Variants in CNTN4 observed in about 807,000 individuals in gnomAD.
CNTN4 encodes the protein contactin-4.
In CNTN4, 77 loss-of-function variants were observed where a neutral mutation model predicts 122.5. The ratio of observed to expected loss-of-function variants is 0.63; its 90% CI spans 0.52 to 0.76. The LOEUF (loss-of-function observed/expected upper bound fraction) is 0.76, where lower values mean the gene tolerates loss of function less well. CNTN4 is among the 30% of genes least tolerant of loss of function. The pLI, the probability that CNTN4 is intolerant of heterozygous loss-of-function variation, is 0.00. For missense variants in CNTN4, 1,256 were observed against 1,259.1 expected (o/e 1.00, Z 0.04); for synonymous variants, 512 against 447.0 (o/e 1.15, Z -1.83).
intron 4 of CNTN4, among the ~76,000 whole-genome samples, chr3:2,683,561 A>T (rs2085277296): frequency 6.6e-6 from 1 of 152,136 alleles, no homozygotes. Context: ...ACACACTTCG[A>T]ATGTTTTTCC....
intron 6 of CNTN4, among the ~76,000 whole-genome samples, chr3:2,775,477 T>A (rs1480461946): frequency 1.3e-5 from 2 of 152,192 alleles, no homozygotes; most frequent in Admixed American, 1.3e-4. Context: ...TGGAGTGCAG[T>A]GGCACGATCT....
At chr3:2,980,932 C>T (rs1693901993) in intron 13 of CNTN4, among the ~76,000 whole-genome samples, 1 of 152,142 alleles carries the variant, frequency 6.6e-6, no homozygotes, top group African/African-American at 2.4e-5. Flanking sequence ...CAGCACCACC[C>T]TGTTGTCTGC....
chr3:2,375,930 A>G (rs2045798486), intron 3 of CNTN4, among the ~76,000 whole-genome samples: 1 of 152,148 alleles, frequency 6.6e-6, no homozygotes, highest in Non-Finnish European at 1.5e-5. Context: ...AAGAAAAAAA[A>G]AAAGAGAAAA....
At chr3:2,996,774 C>G (rs1695577224) in intron 14 of CNTN4, among the ~76,000 whole-genome samples, 1 of 152,182 alleles carries the variant, frequency 6.6e-6, no homozygotes, top group African/African-American at 2.4e-5. Flanking sequence ...ATAGGCCATA[C>G]TAATTGCCTC....
intron 3 of CNTN4, among the ~76,000 whole-genome samples, chr3:2,563,242 TA>T (rs2079029664): frequency 6.6e-6 from 1 of 152,220 alleles, no homozygotes; most frequent in Non-Finnish European, 1.5e-5. Context: ...TATGACTGTA[TA>T]AGTTTTTGAA....
At chr3:2,293,217 C>T (rs1470174053) in intron 2 of CNTN4, among the ~76,000 whole-genome samples, 2 of 152,166 alleles carry the variant, frequency 1.3e-5, no homozygotes, top group Non-Finnish European at 2.9e-5. Context: ...GTACAAAAAG[C>T]AGCAATTACT....
chr3:2,798,869 T>G (rs1480858636), intron 6 of CNTN4, among the ~76,000 whole-genome samples: 1 of 152,164 alleles, frequency 6.6e-6, no homozygotes, highest in African/African-American at 2.4e-5. Context: ...GTAGTGGGAT[T>G]GCCTGATCAA....
At chr3:2,403,724 T>G (rs565052022) in intron 3 of CNTN4, among the ~76,000 whole-genome samples, 1 of 152,288 alleles carries the variant, frequency 6.6e-6, no homozygotes, top group African/African-American at 2.4e-5. Flanking sequence ...CAGTATTACA[T>G]CTAAACCAAC....
chr3:2,757,597 G>A (rs895444520), intron 6 of CNTN4, among the ~76,000 whole-genome samples: 4 of 152,252 alleles, frequency 2.6e-5, no homozygotes, highest in East Asian at 1.9e-4. Context: ...GCCAGCTTCC[G>A]TCCTCTTCGC....
At chr3:2,451,489 C>T (rs1245080299) in intron 3 of CNTN4, among the ~76,000 whole-genome samples, 7 of 148,570 alleles carry the variant, frequency 4.7e-5, no homozygotes, top group Admixed American at 4.0e-4. Context: ...GGGTTGAAAT[C>T]AGTTTTTTTT....
intron 4 of CNTN4, among the ~76,000 whole-genome samples, chr3:2,628,134 T>C (rs1261011533): frequency 6.6e-6 from 1 of 152,236 alleles, no homozygotes; most frequent in Admixed American, 6.5e-5. Flanking sequence ...TAAGCCGTTT[T>C]TCCTCCCGCA....
intron 10 of CNTN4, among the ~76,000 whole-genome samples, chr3:2,888,237 A>C (rs1002126169): frequency 1.3e-5 from 2 of 152,164 alleles, no homozygotes; most frequent in Non-Finnish European, 2.9e-5. Flanking sequence ...GCCCAGAGTA[A>C]CATTGAAAAA....
chr3:2,765,246 A>T (rs1324523843), intron 6 of CNTN4, among the ~76,000 whole-genome samples: 1 of 152,162 alleles, frequency 6.6e-6, no homozygotes, highest in Non-Finnish European at 1.5e-5. Context: ...TTTCAATATC[A>T]CCACTCGTAC....
intron 13 of CNTN4, among the ~76,000 whole-genome samples, chr3:2,926,362 A>G (rs949420868): frequency 6.6e-6 from 1 of 152,218 alleles, no homozygotes; most frequent in East Asian, 1.9e-4. Context: ...TTTCTTATAC[A>G]TGAATTACAT....
chr3:2,719,012 G>T (rs1429194186), intron 4 of CNTN4, among the ~76,000 whole-genome samples: 1 of 152,022 alleles, frequency 6.6e-6, no homozygotes, highest in Non-Finnish European at 1.5e-5. Context: ...TTTAAAAAAT[G>T]ATTAAGAACT....
At chr3:2,355,531 G>A (rs1347831600) in intron 3 of CNTN4, among the ~76,000 whole-genome samples, 1 of 152,154 alleles carries the variant, frequency 6.6e-6, no homozygotes, top group Non-Finnish European at 1.5e-5. Flanking sequence ...TTACCTTTCT[G>A]TATTTCTGGG....
intron 2 of CNTN4, among the ~76,000 whole-genome samples, chr3:2,287,669 A>AGAG (rs1245517021): frequency 1.4e-3 from 77 of 56,948 alleles, no homozygotes; most frequent in South Asian, 2.3e-3. Context: ...AAGAAGAAGA[A>AGAG]GAAGAAGAAG....
At chr3:2,941,797 C>A (rs1377788316) in intron 13 of CNTN4, among the ~76,000 whole-genome samples, 1 of 152,114 alleles carries the variant, frequency 6.6e-6, no homozygotes, top group East Asian at 1.9e-4. Flanking sequence ...ACACAACCTA[C>A]AAGGTATGGC....
At chr3:2,586,557 C>T (rs1198199744) in intron 4 of CNTN4, among the ~76,000 whole-genome samples, 1 of 152,166 alleles carries the variant, frequency 6.6e-6, no homozygotes, top group African/African-American at 2.4e-5. Flanking sequence ...TCCCAAAGTG[C>T]TGGGATTACA....
Sources: allele counts gnomAD v4.1 joint callset (sites outside exome capture counted in the v4.1 genomes callset), GRCh38; gene constraint gnomAD v4.1.1; transcripts MANE v1.5; gene names NCBI Gene and HGNC (gene_info 2026-07-23, HGNC 2026-07-21).